CAST: variants seen among roughly 807,000 people sequenced by gnomAD.
CAST encodes the protein calpastatin.
In CAST, 76 loss-of-function variants were observed where a neutral mutation model predicts 119.6. The ratio of observed to expected loss-of-function variants is 0.64; its 90% CI spans 0.53 to 0.77. CAST has a LOEUF of 0.77. Among genes scored for constraint, CAST ranks in the 30% least tolerant of loss-of-function variants. The pLI, the probability that CAST is intolerant of heterozygous loss-of-function variation, is 0.00. For synonymous variants in CAST, 319 were observed against 331.6 expected, an observed-to-expected ratio of 0.96 and a Z score of 0.41; for missense variants, 953 against 946.5, an observed-to-expected ratio of 1.01 and a Z score of -0.09.
intron 1 of CAST, among the ~76,000 whole-genome samples, chr5:96,628,232 G>T (rs73774342): frequency 0.019 from 2,937 of 152,312 alleles, 34 homozygotes; most frequent in African/African-American, 0.033. Context: ...AGGAAAAAAG[G>T]TTAATAAATA....
At position 96,684,011 on chromosome 5, in the gene CAST, A is replaced by G. The variant is rs1275623678; in HGVS notation, c.138+8410A>G. 1.3e-5 allele frequency among the ~76,000 whole-genome samples: 2 copies of G among 152,200 alleles called. No homozygotes were observed. Among genetic ancestry groups the G allele is most frequent in the African/African-American group, 2.4e-5 (1 of 41,446 alleles). On this transcript the variant is annotated intron_variant, in intron 2 of 31. Transcript: ENST00000675179. Reference sequence around the variant, plus strand: ...ACACTCACAACTCAGTTAACCTGCTATTGATCTGTGGTTTCTATAGAAGCA... The same window carrying G: ...ACACTCACAACTCAGTTAACCTGCTGTTGATCTGTGGTTTCTATAGAAGCA...
At chr5:96,519,710 G>A in the CAST span, among the ~76,000 whole-genome samples, 3 of 152,178 alleles carry the variant, frequency 2.0e-5, no homozygotes, top group Admixed American at 2.0e-4. Context: ...GGGTTCAAGC[G>A]ATTCTCCTGC....
the CAST span, among the ~76,000 whole-genome samples, chr5:96,388,158 G>T: frequency 6.6e-6 from 1 of 152,216 alleles, no homozygotes; most frequent in Non-Finnish European, 1.5e-5. Flanking sequence ...CCAGGAAAGT[G>T]GTCTCTGCCT....
the CAST span, among the ~76,000 whole-genome samples, chr5:96,167,282 A>G: frequency 6.6e-6 from 1 of 152,186 alleles, no homozygotes; most frequent in Non-Finnish European, 1.5e-5. Flanking sequence ...GCTTGGAGAA[A>G]CAGTGTAAAC....
the CAST span, among the ~76,000 whole-genome samples, chr5:96,046,567 G>A: frequency 2.0e-5 from 3 of 152,200 alleles, no homozygotes; most frequent in Non-Finnish European, 4.4e-5. Context: ...CCCCATTTCT[G>A]ATAATTCATT....
At chr5:96,300,126 A>C in the CAST span, among the ~76,000 whole-genome samples, 2 of 152,008 alleles carry the variant, frequency 1.3e-5, no homozygotes, top group Non-Finnish European at 2.9e-5. Flanking sequence ...TCATTTACCT[A>C]GTTTTGCTTT....
At chr5:96,046,673 A>G in the CAST span, among the ~76,000 whole-genome samples, 2 of 152,220 alleles carry the variant, frequency 1.3e-5, no homozygotes, top group Non-Finnish European at 2.9e-5. Context: ...ATTTTACAAA[A>G]GAGTAATAAG....
rs34189592 is a variant in CAST at position 96,773,601 on chromosome 5, TTATATA to T, written c.*993_*998del. 2 of 151,530 alleles carry T rather than the reference TTATATA, an allele frequency of 1.3e-5. No homozygotes were observed. Among genetic ancestry groups the T allele is most frequent in the Non-Finnish European group, 2.9e-5 (2 of 67,870 alleles). The allele number at this position is 151,530 out of a possible 1,614,324, so 9.4% of individuals were successfully genotyped here. Reference sequence around the variant, plus strand: ...AAAGAAACTTCTGCTTTTAAAAAAATTATATATATATATTAAATTTGAAACCTGCAT... The same window carrying T: ...AAAGAAACTTCTGCTTTTAAAAAAATTATATATTAAATTTGAAACCTGCAT... On this transcript the variant is annotated 3_prime_UTR_variant, in exon 32 of 32. Transcript: ENST00000675179.
At chr5:96,474,395 T>C in the CAST span, among the ~76,000 whole-genome samples, 2 of 136,844 alleles carry the variant, frequency 1.5e-5, no homozygotes, top group Non-Finnish European at 3.1e-5. Context: ...TTGTATCATC[T>C]CCATATTCAA....
chr5:96,757,479 T>G lies in CAST; in HGVS notation c.1746T>G (p.Ser582=). The G allele has an allele frequency of 1.2e-6, 2 of 1,614,146 alleles. No individual in the cohort carries two copies. The highest frequency in any genetic ancestry group is 1.7e-6 in the Non-Finnish European group (2 of 1,179,988). Residue 582 remains serine (S), a synonymous_variant, in exon 23 of 32, where the codon TCT becomes TCG. Transcript: ENST00000675179. ...KDGKPLLPKE[S]KEQLPPMSED... is the part of the protein sequence containing the mutation. Reference sequence around the variant, plus strand: ...GAAAGCCACTCCTGCCAAAAGAGTCTAAGGAACAGCTTCCAGTAAGCAAAC... The same window carrying G: ...GAAAGCCACTCCTGCCAAAAGAGTCGAAGGAACAGCTTCCAGTAAGCAAAC...
At chr5:96,355,677 C>G in the CAST span, among the ~76,000 whole-genome samples, 1 of 152,082 alleles carries the variant, frequency 6.6e-6, no homozygotes, top group African/African-American at 2.4e-5. Context: ...TCTCCACGTC[C>G]TCTCCAGCAT....
rs892024429 is a variant in CAST at position 96,773,804 on chromosome 5, A to C, written c.*1188A>C. 1 of 152,354 alleles carries C rather than the reference A, an allele frequency of 6.6e-6. No individual in the cohort carries two copies. The highest frequency in any genetic ancestry group is 1.5e-5 in the Non-Finnish European group (1 of 68,036). 9.4% of individuals were successfully genotyped at this position (152,354 alleles called of 1,614,324 possible). The stretch of plus-strand genomic sequence containing the variant: ...GAATGCAGGAAAAGATGTCAGGTAC[A>C]TAACATAAAACAGATTGGGAATTTA... On this transcript the variant is annotated 3_prime_UTR_variant, in exon 32 of 32. Transcript: ENST00000675179.
At chr5:96,375,892 T>C in the CAST span, among the ~76,000 whole-genome samples, 3 of 137,750 alleles carry the variant, frequency 2.2e-5, no homozygotes, top group East Asian at 6.0e-4. Flanking sequence ...AATAAATCTC[T>C]CTCTCTCTAT....
chr5:96,750,291 C>G (rs1428178436), intron 19 of CAST, among the ~76,000 whole-genome samples: 1 of 152,138 alleles, frequency 6.6e-6, no homozygotes, highest in African/African-American at 2.4e-5. Context: ...ATATAGGCCT[C>G]TTACCAACCC....
rs1471410700 is a variant in CAST, at chr5:96,714,599, T to G, written c.211-8040T>G. On this transcript the variant is annotated intron_variant, in intron 3 of 31. Coordinates refer to ENST00000675179, the MANE Select transcript of CAST (RefSeq NM_001750.7). ...GAGGGACAAGAAGCAGAAAGTAGGC[T>G]GCATTTTCTGGACCTGACTTCCCTG... 2.0e-5 allele frequency: 3 copies of G among 152,216 alleles called. No homozygotes were observed. In the East Asian group the frequency reaches 5.8e-4, roughly 29 times the overall value. The allele number at this position is 152,216 out of a possible 1,614,324, so 9.4% of individuals were successfully genotyped here.
chr5:95,969,543 G>A, the CAST span, among the ~76,000 whole-genome samples: 1 of 152,044 alleles, frequency 6.6e-6, no homozygotes, highest in African/African-American at 2.4e-5. Flanking sequence ...AAAGAGCAGA[G>A]TTAGGAGGCA....
chr5:96,207,928 G>T, the CAST span, among the ~76,000 whole-genome samples: 1 of 151,966 alleles, frequency 6.6e-6, no homozygotes, highest in African/African-American at 2.4e-5. Context: ...CTGGTTCTGG[G>T]CTTTTTCTGG....
intron 1 of CAST, among the ~76,000 whole-genome samples, chr5:96,559,063 C>T (rs559125524): frequency 8.0e-4 from 122 of 152,178 alleles, no homozygotes; most frequent in Non-Finnish European, 1.2e-3. Flanking sequence ...ATATGCAAAT[C>T]GATAAACGTA....
chr5:96,652,338 C>T (rs568656866), intron 1 of CAST, among the ~76,000 whole-genome samples: 7 of 152,224 alleles, frequency 4.6e-5, no homozygotes, highest in African/African-American at 1.4e-4. Context: ...AAATAACACA[C>T]GTTAGGGAAA....
Sources: gnomAD v4.1 joint callset for allele counts (sites outside exome capture counted in the v4.1 genomes callset) on GRCh38, gnomAD v4.1.1 for gene constraint, MANE v1.5 for transcripts, NCBI Gene and HGNC (gene_info 2026-07-23, HGNC 2026-07-21) for gene names.